The following ARB2A variants were observed in gnomAD, a reference collection of about 807,000 sequenced individuals.
ARB2A encodes the protein ARB2 cotranscriptional regulator A.
At chr5:93,622,402 G>C in the ARB2A span, among the ~76,000 whole-genome samples, 2 of 152,198 alleles carry the variant, frequency 1.3e-5, no homozygotes, top group African/African-American at 4.8e-5. Flanking sequence ...GCAACACTTT[G>C]CTTTCCCCTT....
chr5:94,082,236 C>T, the ARB2A span, among the ~76,000 whole-genome samples: 1 of 152,108 alleles, frequency 6.6e-6, no homozygotes, highest in Non-Finnish European at 1.5e-5. Flanking sequence ...AGCACTAATT[C>T]ACTTTGGTCA....
At chr5:93,895,968 A>G in the ARB2A span, among the ~76,000 whole-genome samples, 2 of 152,058 alleles carry the variant, frequency 1.3e-5, no homozygotes, top group African/African-American at 4.8e-5. Flanking sequence ...AAAAACACTT[A>G]TAAGTGGTTA....
At chr5:93,711,292 A>T in the ARB2A span, among the ~76,000 whole-genome samples, 11 of 144,442 alleles carry the variant, frequency 7.6e-5, no homozygotes, top group East Asian at 2.0e-4. Flanking sequence ...TGAATTTTTT[A>T]AAAAAAATTT....
chr5:93,949,476 G>A, the ARB2A span, among the ~76,000 whole-genome samples: 629 of 152,016 alleles, frequency 4.1e-3, 4 homozygotes, highest in Non-Finnish European at 6.4e-3. Flanking sequence ...CAGGAGAATC[G>A]CTTGAACCAG....
the ARB2A span, among the ~76,000 whole-genome samples, chr5:93,646,131 TTAGTC>T: frequency 2.0e-5 from 3 of 152,120 alleles, no homozygotes; most frequent in African/African-American, 7.2e-5. Flanking sequence ...CAGTAGTTCT[TTAGTC>T]TAAAAGATTA....
At chr5:94,111,311 G>A in the ARB2A span, among the ~76,000 whole-genome samples, 1 of 152,126 alleles carries the variant, frequency 6.6e-6, no homozygotes, top group African/African-American at 2.4e-5. Context: ...CCTAGAGAGT[G>A]GAAATGGAAC....
At chr5:93,857,731 C>A in the ARB2A span, among the ~76,000 whole-genome samples, 4 of 152,156 alleles carry the variant, frequency 2.6e-5, no homozygotes, top group Non-Finnish European at 5.9e-5. Context: ...TGACCCCTTG[C>A]GCTTCCCGAG....
chr5:93,939,956 T>A, the ARB2A span, among the ~76,000 whole-genome samples: 2 of 144,730 alleles, frequency 1.4e-5, no homozygotes, highest in African/African-American at 5.4e-5. Flanking sequence ...ACTGTATCCG[T>A]TTTTTTTTTA....
the ARB2A span, among the ~76,000 whole-genome samples, chr5:94,009,919 CT>C: frequency 9.9e-3 from 1,345 of 136,110 alleles, 3 homozygotes; most frequent in Non-Finnish European, 0.013. Flanking sequence ...CATCTTTGGT[CT>C]TTTTTTTTTT....
chr5:94,057,227 C>A, the ARB2A span, among the ~76,000 whole-genome samples: 3 of 152,272 alleles, frequency 2.0e-5, no homozygotes, highest in East Asian at 5.8e-4. Flanking sequence ...GACATTCTTA[C>A]ACAAAACTGA....
chr5:93,739,214 A>G, the ARB2A span: 1 of 152,112 alleles, frequency 6.6e-6, no homozygotes, highest in African/African-American at 2.4e-5. Context: ...TTGGGCCCAC[A>G]AGAGTTATTC....
At chr5:93,767,855 G>A in the ARB2A span, among the ~76,000 whole-genome samples, 1 of 151,414 alleles carries the variant, frequency 6.6e-6, no homozygotes, top group Admixed American at 6.6e-5. Flanking sequence ...TTAGCTGAGC[G>A]TGGTGGCGGG....
At chr5:93,671,457 C>T in the ARB2A span, among the ~76,000 whole-genome samples, 136 of 151,946 alleles carry the variant, frequency 9.0e-4, 1 homozygote, top group Admixed American at 8.8e-3. Flanking sequence ...TTCTAAATGT[C>T]AAATAATAAG....
the ARB2A span, among the ~76,000 whole-genome samples, chr5:93,932,898 T>C: frequency 2.0e-5 from 3 of 152,050 alleles, no homozygotes; most frequent in Admixed American, 2.0e-4. Context: ...GTGTTAAGTA[T>C]TCATCTGACA....
the ARB2A span, among the ~76,000 whole-genome samples, chr5:93,809,976 T>C: frequency 1.3e-5 from 2 of 152,114 alleles, no homozygotes; most frequent in African/African-American, 4.8e-5. Context: ...AAGCATTGAG[T>C]AATGAAATTC....
At chr5:93,623,270 A>G in the ARB2A span, among the ~76,000 whole-genome samples, 7 of 151,292 alleles carry the variant, frequency 4.6e-5, no homozygotes, top group African/African-American at 1.7e-4. Flanking sequence ...AAAAAAAAAA[A>G]GGTGTTAATT....
chr5:94,054,134 T>C, the ARB2A span, among the ~76,000 whole-genome samples: 1 of 152,144 alleles, frequency 6.6e-6, no homozygotes, highest in African/African-American at 2.4e-5. Context: ...GTTATACCCT[T>C]TACTCACTTT....
the ARB2A span, among the ~76,000 whole-genome samples, chr5:93,935,743 C>A: frequency 6.6e-6 from 1 of 152,148 alleles, no homozygotes; most frequent in Non-Finnish European, 1.5e-5. Flanking sequence ...TATTTCACAT[C>A]TCATAAGAAA....
chr5:93,726,787 A>C, the ARB2A span, among the ~76,000 whole-genome samples: 4 of 152,068 alleles, frequency 2.6e-5, no homozygotes, highest in South Asian at 8.3e-4. Flanking sequence ...GTGCTCTAAA[A>C]CATGAGCTTG....
Sources: gnomAD v4.1 joint callset for allele counts (sites outside exome capture counted in the v4.1 genomes callset) on GRCh38, gnomAD v4.1.1 for gene constraint, MANE v1.5 for transcripts, NCBI Gene and HGNC (gene_info 2026-07-23, HGNC 2026-07-21) for gene names.